PRKN: variants seen among roughly 807,000 people sequenced by gnomAD.
PRKN encodes E3 ubiquitin-protein ligase parkin.
PRKN carries 56 observed loss-of-function variants against 59.5 expected under a neutral mutation model. The ratio of observed to expected loss-of-function variants is 0.94; its 90% CI spans 0.76 to 1.18. The LOEUF is 1.18. PRKN is among the 50% of genes most tolerant of loss of function. PRKN has a pLI of 0.00. For missense variants in PRKN, 657 were observed against 596.4 expected, an observed-to-expected ratio of 1.10 and a Z score of -1.06; for synonymous variants, 250 against 222.1, an observed-to-expected ratio of 1.13 and a Z score of -1.12.
At chr6:161,539,064 C>A (rs1389994702) in intron 9 of PRKN, among the ~76,000 whole-genome samples, 1 of 152,178 alleles carries the variant, frequency 6.6e-6, no homozygotes, top group African/African-American at 2.4e-5. Flanking sequence ...TGCCCTTACC[C>A]CCAAGGGGCA....
At chr6:161,803,657 C>G (rs1017317381) in intron 6 of PRKN, among the ~76,000 whole-genome samples, 1 of 152,172 alleles carries the variant, frequency 6.6e-6, no homozygotes, top group Non-Finnish European at 1.5e-5. Flanking sequence ...GTGAGCTGCC[C>G]GGTTTCTTAG....
chr6:161,638,971 A>G (rs555823915), intron 7 of PRKN, among the ~76,000 whole-genome samples: 8 of 151,870 alleles, frequency 5.3e-5, no homozygotes, highest in African/African-American at 1.4e-4. Context: ...CAAACTCCTG[A>G]CCTCAGGTAA....
rs115478337 is a variant in PRKN at position 161,552,230 on chromosome 6, A to C, written c.934-3227T>G. ...TTGGTTGCAGTTTTGCCGGAATTGT[A>C]AAAGGAAGCGGGACATCTCTCGATC... is the stretch of plus-strand genomic sequence containing the variant. On this transcript the variant is annotated intron_variant, in intron 8 of 11. Coordinates refer to ENST00000366898, the MANE Select transcript of PRKN (RefSeq NM_004562.3). This position sits in a 1 kb window ranked among gnomAD's most constrained non-coding sequence, Gnocchi z 4.9. 0.011 allele frequency among the ~76,000 whole-genome samples: 1,605 copies of C among 151,060 alleles called. 19 individuals are homozygous for C. The highest frequency in any genetic ancestry group is 0.038 in the African/African-American group (1,541 of 40,384).
intron 6 of PRKN, among the ~76,000 whole-genome samples, chr6:161,848,613 G>GA (rs1178253194): frequency 6.6e-5 from 10 of 152,170 alleles, no homozygotes; most frequent in African/African-American, 2.4e-4. Flanking sequence ...TAATGCGTGA[G>GA]AAAAAATTCC....
At chr6:162,001,940 T>C (rs746334206) in intron 5 of PRKN, among the ~76,000 whole-genome samples, 2 of 151,732 alleles carry the variant, frequency 1.3e-5, no homozygotes, top group Non-Finnish European at 2.9e-5. Context: ...TGATCTTTCT[T>C]CTTTAGCCTG....
intron 1 of PRKN, among the ~76,000 whole-genome samples, chr6:162,599,754 G>A (rs1781629097): frequency 1.3e-5 from 2 of 152,124 alleles, no homozygotes; most frequent in South Asian, 2.1e-4. Flanking sequence ...CAGAATTCAC[G>A]CTCACTGTTT....
At chr6:161,801,379 G>A (rs976115776) in intron 6 of PRKN, among the ~76,000 whole-genome samples, 25 of 152,172 alleles carry the variant, frequency 1.6e-4, no homozygotes, top group Admixed American at 1.2e-3. Context: ...CGGTTCTTTC[G>A]GGAGAAAGAT....
chr6:162,309,971 T>C (rs1782411357), intron 2 of PRKN, among the ~76,000 whole-genome samples: 1 of 152,198 alleles, frequency 6.6e-6, no homozygotes, highest in Non-Finnish European at 1.5e-5. Flanking sequence ...TGTTTGGTTT[T>C]CCCTTCCTGA....
At chr6:162,200,897 G>C (rs1429990412) in intron 4 of PRKN, among the ~76,000 whole-genome samples, 2 of 152,124 alleles carry the variant, frequency 1.3e-5, no homozygotes, top group Non-Finnish European at 2.9e-5. Flanking sequence ...CATAGGCCTG[G>C]ATAAAGTAAT....
At chr6:162,152,552 A>G (rs1246201299) in intron 4 of PRKN, among the ~76,000 whole-genome samples, 2 of 152,240 alleles carry the variant, frequency 1.3e-5, no homozygotes, top group Admixed American at 1.3e-4. Flanking sequence ...TTCCACATGC[A>G]TACTGCAGGA....
intron 4 of PRKN, among the ~76,000 whole-genome samples, chr6:162,078,479 T>G (rs1196303969): frequency 2.0e-5 from 3 of 152,078 alleles, no homozygotes; most frequent in Admixed American, 6.5e-5. Context: ...TTTAAGGAAA[T>G]CTTTCCCCGA....
At chr6:161,594,353 A>G (rs1459810051) in intron 7 of PRKN, among the ~76,000 whole-genome samples, 1 of 152,204 alleles carries the variant, frequency 6.6e-6, no homozygotes, top group Non-Finnish European at 1.5e-5. Flanking sequence ...GAAAGAGAGA[A>G]GGAAGGAAAG....
At chr6:162,015,383 A>G (rs144230486) in intron 5 of PRKN, among the ~76,000 whole-genome samples, 2 of 152,328 alleles carry the variant, frequency 1.3e-5, no homozygotes, top group African/African-American at 2.4e-5. Context: ...AAAAAGAGCT[A>G]TGTATCAAAG....
At chr6:161,941,769 C>T (rs1449617761) in intron 6 of PRKN, among the ~76,000 whole-genome samples, 1 of 152,072 alleles carries the variant, frequency 6.6e-6, no homozygotes, top group Non-Finnish European at 1.5e-5. Flanking sequence ...GAGCCACGCC[C>T]CCATGACATG....
At chr6:162,461,126 C>T (rs182781091) in intron 1 of PRKN, among the ~76,000 whole-genome samples, 2 of 151,962 alleles carry the variant, frequency 1.3e-5, no homozygotes, top group Admixed American at 1.3e-4. Flanking sequence ...GATATTACAA[C>T]AGAATTATGT....
intron 1 of PRKN, among the ~76,000 whole-genome samples, chr6:162,675,015 A>G (rs1407001208): frequency 3.4e-5 from 5 of 146,406 alleles, no homozygotes; most frequent in African/African-American, 1.3e-4. Flanking sequence ...GGCGGCAGAG[A>G]AAGAAGACTT....
At chr6:162,073,214 C>A (rs1309555563) in intron 4 of PRKN, among the ~76,000 whole-genome samples, 1 of 152,184 alleles carries the variant, frequency 6.6e-6, no homozygotes, top group Non-Finnish European at 1.5e-5. Flanking sequence ...ATTGTACTCA[C>A]GCTTACTCAC....
At chr6:162,050,473 T>C (rs1449663565) in intron 5 of PRKN, among the ~76,000 whole-genome samples, 1 of 32,330 alleles carries the variant, frequency 3.1e-5, no homozygotes, top group African/African-American at 2.5e-4. Flanking sequence ...TCACCCCCTC[T>C]CTTTTTTTTT....
At chr6:162,702,921 T>C (rs1778209116) in intron 1 of PRKN, among the ~76,000 whole-genome samples, 1 of 152,172 alleles carries the variant, frequency 6.6e-6, no homozygotes, top group South Asian at 2.1e-4. Flanking sequence ...AGGGGATTGA[T>C]TTAACCATAA....
Sources: allele counts gnomAD v4.1 joint callset (sites outside exome capture counted in the v4.1 genomes callset), GRCh38; gene constraint gnomAD v4.1.1; non-coding constraint Gnocchi (gnomAD v3.1); transcripts MANE v1.5; gene names NCBI Gene and HGNC (gene_info 2026-07-23, HGNC 2026-07-21).